The following TMEM132D variants were observed in gnomAD, a reference collection of about 807,000 sequenced individuals.
The protein encoded by TMEM132D is transmembrane protein 132D.
TMEM132D carries 21 observed loss-of-function variants against 62.3 expected under a neutral mutation model. The ratio of observed to expected loss-of-function variants is 0.34; its 90% confidence interval spans 0.24 to 0.49. The LOEUF is 0.49. Among genes scored for constraint, TMEM132D ranks in the 20% least tolerant of loss-of-function variants. The pLI is 0.99. For missense variants in TMEM132D, 1,346 were observed against 1,402.8 expected, an observed-to-expected ratio of 0.96 and a Z score of 0.65; for synonymous variants, 621 against 575.6, an observed-to-expected ratio of 1.08 and a Z score of -1.13.
intron 2 of TMEM132D, among the ~76,000 whole-genome samples, chr12:129,668,950 A>T (rs1006947508): frequency 1.3e-5 from 2 of 152,188 alleles, no homozygotes; most frequent in Admixed American, 1.3e-4. Context: ...ACCTGTGATA[A>T]GTAAAGAATG....
In TMEM132D at chr12:129,277,587, G is replaced by A. The variant is rs1317342027; in HGVS notation, c.1299+60047C>T. ...GAATAAAGCCAGATATTTAAAAGTT[G>A]TGCTCAGTCATGCAAACCAAAGTTG... On this transcript the variant is annotated intron_variant, in intron 4 of 8. Transcript: ENST00000422113. This position sits in a 1 kb window ranked among gnomAD's most constrained non-coding sequence, Gnocchi z 4.2. Among the ~76,000 whole-genome samples, 13 of 152,318 alleles carry A rather than the reference G, an allele frequency of 8.5e-5. No homozygotes were observed. The highest frequency in any genetic ancestry group is 1.5e-5 in the Non-Finnish European group (1 of 68,026).
intron 3 of TMEM132D, among the ~76,000 whole-genome samples, chr12:129,430,430 T>C (rs1872622284): frequency 6.6e-6 from 1 of 152,164 alleles, no homozygotes; most frequent in Admixed American, 6.5e-5. Context: ...TGATGGGGTT[T>C]TTTCTTGTAA....
intron 4 of TMEM132D, among the ~76,000 whole-genome samples, chr12:129,275,199 GA>G (rs1165228513): frequency 2.6e-5 from 4 of 151,946 alleles, no homozygotes; most frequent in African/African-American, 9.7e-5. Context: ...AGGATCACTT[GA>G]GCCCAAGAGT....
intron 5 of TMEM132D, among the ~76,000 whole-genome samples, chr12:129,124,518 AC>A (rs1487284097): frequency 6.6e-6 from 1 of 152,090 alleles, no homozygotes; most frequent in African/African-American, 2.4e-5. Context: ...GGTTCCTCTC[AC>A]CATAGGTCAG....
chr12:129,102,483 T>TGC (rs908492309), intron 5 of TMEM132D, among the ~76,000 whole-genome samples: 1 of 124,716 alleles, frequency 8.0e-6, no homozygotes, highest in Non-Finnish European at 1.8e-5. Flanking sequence ...ACTCACACAA[T>TGC]GCACACACAC....
chr12:129,888,612 G>A (rs1194809911), intron 1 of TMEM132D, among the ~76,000 whole-genome samples: 2 of 152,186 alleles, frequency 1.3e-5, no homozygotes, highest in Non-Finnish European at 2.9e-5. Context: ...GCTGAGGCAG[G>A]AGAATCACTT....
chr12:129,844,052 G>T (rs1873283717), intron 1 of TMEM132D, among the ~76,000 whole-genome samples: 1 of 152,178 alleles, frequency 6.6e-6, no homozygotes, highest in South Asian at 2.1e-4. Flanking sequence ...AGTGAGCCAT[G>T]ATCATGCCAC....
intron 4 of TMEM132D, among the ~76,000 whole-genome samples, chr12:129,239,717 C>T (rs940484224): frequency 1.3e-5 from 2 of 152,188 alleles, no homozygotes; most frequent in African/African-American, 4.8e-5. Flanking sequence ...CTGGCAACCA[C>T]TGGAGGTCAG....
chr12:129,393,134 C>T (rs2135695504), intron 3 of TMEM132D, among the ~76,000 whole-genome samples: 1 of 152,350 alleles, frequency 6.6e-6, no homozygotes, highest in Admixed American at 6.5e-5. Flanking sequence ...TCAAACCACA[C>T]TCTGTAGGCC....
chr12:129,455,142 A>C (rs1468779230), intron 3 of TMEM132D, among the ~76,000 whole-genome samples: 1 of 152,244 alleles, frequency 6.6e-6, no homozygotes, highest in Non-Finnish European at 1.5e-5. Context: ...GCATGCTATT[A>C]GGTTCCAGCA....
At chr12:129,658,607 AAT>A (rs1880156641) in intron 2 of TMEM132D, among the ~76,000 whole-genome samples, 1 of 152,204 alleles carries the variant, frequency 6.6e-6, no homozygotes, top group African/African-American at 2.4e-5. Flanking sequence ...CTGCTTGACG[AAT>A]AGAGTATAAT....
intron 2 of TMEM132D, among the ~76,000 whole-genome samples, chr12:129,564,100 G>A (rs993542115): frequency 4.6e-5 from 7 of 152,140 alleles, no homozygotes; most frequent in African/African-American, 1.7e-4. Flanking sequence ...TCAGGCACAT[G>A]GCAGTTGTAG....
chr12:129,822,955 T>C (rs189756293), intron 1 of TMEM132D, among the ~76,000 whole-genome samples: 52 of 152,314 alleles, frequency 3.4e-4, no homozygotes, highest in Admixed American at 1.0e-3. Context: ...CCCCCAATGT[T>C]GGGGATGGGA....
rs1874147643 is a variant in TMEM132D at position 129,073,678 on chromosome 12, A to G, written c.*197T>C. ...GCATGATAAACCTCTTAAGCAAGAC[A>G]CTGTACTCTGGAATGTGTGCGTCGA... is the stretch of plus-strand genomic sequence containing the variant. On this transcript the variant is annotated 3_prime_UTR_variant, in exon 9 of 9. Coordinates refer to ENST00000422113, the MANE Select transcript of TMEM132D (RefSeq NM_133448.3). 3 of 512,186 alleles carry G rather than the reference A, an allele frequency of 5.9e-6. No homozygotes were observed. The highest frequency in any genetic ancestry group is 3.9e-5 in the African/African-American group (2 of 51,940). The allele number at this position is 512,186 out of a possible 1,614,324, so 31.7% of individuals were successfully genotyped here.
rs139478272 is a variant in TMEM132D at position 129,870,716 on chromosome 12, C to T, written c.79+32545G>A. Among the ~76,000 whole-genome samples, 436 of 152,254 alleles carry T rather than the reference C, an allele frequency of 2.9e-3. 7 individuals are homozygous for T. Among genetic ancestry groups the T allele is most frequent in the African/African-American group, 0.01 (423 of 41,534 alleles). On this transcript the variant is annotated intron_variant, in intron 1 of 8. Transcript: ENST00000422113. ...TGAACCTAAAGAGAGGTTGTAGGAA[C>T]CCCAAAATGTGTAGGCACGTTGGAC...
At chr12:129,580,125 G>T (rs768805962) in intron 2 of TMEM132D, among the ~76,000 whole-genome samples, 2 of 152,194 alleles carry the variant, frequency 1.3e-5, no homozygotes, top group Non-Finnish European at 2.9e-5. Context: ...AGGAAGGGAG[G>T]TTTATCTCTT....
In TMEM132D at chr12:129,371,238, G is replaced by T. The variant is rs577741482; in HGVS notation, c.1116-33421C>A. Among the ~76,000 whole-genome samples, 4 of 152,224 alleles carry T rather than the reference G, an allele frequency of 2.6e-5. No homozygotes were observed. The South Asian group carries it at 6.2e-4, about 24-fold the overall frequency. On this transcript the variant is annotated intron_variant, in intron 3 of 8. Transcript: ENST00000422113. The surrounding 1 kb of genome is among the most constrained non-coding windows in gnomAD (Gnocchi z 4.3). ...TTTTTAAATTATTGTTGTTACTGTGGTGATGATGGTGGCAGTGATGATGAT... is the reference window on the plus strand; with the variant it reads ...TTTTTAAATTATTGTTGTTACTGTGTTGATGATGGTGGCAGTGATGATGAT...
At chr12:129,087,892 G>A (rs1451687778) in intron 5 of TMEM132D, among the ~76,000 whole-genome samples, 3 of 126,592 alleles carry the variant, frequency 2.4e-5, no homozygotes, top group East Asian at 2.6e-4. Context: ...CCCTGACCGG[G>A]GTGTCCTCCC....
chr12:129,383,502 T>C (rs1871012929), intron 3 of TMEM132D, among the ~76,000 whole-genome samples: 1 of 152,200 alleles, frequency 6.6e-6, no homozygotes, highest in African/African-American at 2.4e-5. Flanking sequence ...CAGGCTGGCA[T>C]GGAGTGGTGT....
Sources: gnomAD v4.1 joint callset for allele counts (sites outside exome capture counted in the v4.1 genomes callset) on GRCh38, gnomAD v4.1.1 for gene constraint, Gnocchi (gnomAD v3.1) non-coding constraint, MANE v1.5 for transcripts, NCBI Gene and HGNC (gene_info 2026-07-23, HGNC 2026-07-21) for gene names.